The following STK39 variants were observed in gnomAD, a reference collection of about 807,000 sequenced individuals.
The protein encoded by STK39 is serine/threonine kinase 39.
A neutral mutation model predicts 77.8 loss-of-function variants in STK39; 20 were observed. That is an observed-to-expected ratio of 0.26 (90% CI 0.18 to 0.37). The LOEUF (loss-of-function observed/expected upper bound fraction) is 0.37, where lower values mean the gene tolerates loss of function less well. STK39 is among the 10% of genes least tolerant of loss of function. The pLI, the probability that STK39 is intolerant of heterozygous loss-of-function variation, is 1.00. For synonymous variants in STK39, 246 were observed against 234.1 expected, an observed-to-expected ratio of 1.05 and a Z score of -0.47; for missense variants, 479 against 656.5, an observed-to-expected ratio of 0.73 and a Z score of 2.95.
intron 16 of STK39, 64 bp downstream of exon 16, chr2:168,012,570 C>T (rs1574390671): frequency 7.4e-7 from 1 of 1,357,616 alleles, no homozygotes. Context: ...AACACTTTTG[C>T]TTCCAAACAC....
chr2:168,188,853 TTA>T (rs766396583), intron 1 of STK39, among the ~76,000 whole-genome samples: 8 of 152,132 alleles, frequency 5.3e-5, no homozygotes, highest in Non-Finnish European at 1.2e-4. Context: ...ACGCATTAAT[TTA>T]TAAAACAGAC....
At chr2:168,166,535 T>A (rs957946484) in intron 3 of STK39, among the ~76,000 whole-genome samples, 2 of 152,202 alleles carry the variant, frequency 1.3e-5, no homozygotes, top group African/African-American at 2.4e-5. Flanking sequence ...TTTCTCCCCA[T>A]GTCAACTGAA....
chr2:168,008,177 T>C (rs1322879741), intron 16 of STK39, among the ~76,000 whole-genome samples: 1 of 152,162 alleles, frequency 6.6e-6, no homozygotes, highest in Non-Finnish European at 1.5e-5. Context: ...TACCTGGATC[T>C]CTGGCTGTTG....
intron 14 of STK39, among the ~76,000 whole-genome samples, chr2:168,022,249 C>T (rs1208357587): frequency 6.6e-6 from 1 of 152,024 alleles, no homozygotes; most frequent in East Asian, 1.9e-4. Context: ...TGCATAAATA[C>T]AAGTATAAAA....
rs187363231 is a variant in STK39 at position 168,102,725 on chromosome 2, T to C, written c.1089+26816A>G. Among the ~76,000 whole-genome samples the C allele has an allele frequency of 5.9e-3, 897 of 152,076 alleles. 12 individuals are homozygous for C. The highest frequency in any genetic ancestry group is 0.021 in the African/African-American group (874 of 41,478). On this transcript the variant is annotated intron_variant, in intron 10 of 17. Transcript: ENST00000355999. ...CGGGCAGATTATGAGGTAAGGAGAT[T>C]GAGACCTTCCTGGCTAACACGGTGA... is the stretch of plus-strand genomic sequence containing the variant.
intron 1 of STK39, among the ~76,000 whole-genome samples, chr2:168,202,788 G>A (rs1689643121): frequency 6.6e-6 from 1 of 152,086 alleles, no homozygotes; most frequent in African/African-American, 2.4e-5. Flanking sequence ...TAAAGAGGCT[G>A]TAAAACAATA....
chr2:168,221,296 G>C (rs1690162100), intron 1 of STK39, among the ~76,000 whole-genome samples: 1 of 152,108 alleles, frequency 6.6e-6, no homozygotes, highest in Non-Finnish European at 1.5e-5. Flanking sequence ...GATTGTCTCA[G>C]AGTCCAGAGT....
chr2:168,041,575 G>A (rs1685108855), intron 14 of STK39, among the ~76,000 whole-genome samples: 1 of 152,154 alleles, frequency 6.6e-6, no homozygotes, highest in Non-Finnish European at 1.5e-5. Context: ...ATTTTCCAAT[G>A]AGAATGGTAA....
At chr2:168,014,297 C>T (rs894823551) in intron 15 of STK39, among the ~76,000 whole-genome samples, 2 of 151,894 alleles carry the variant, frequency 1.3e-5, no homozygotes, top group African/African-American at 4.8e-5. Context: ...CCAGTCTGGG[C>T]AACATAGGGA....
At chr2:168,116,523 G>T (rs957487713) in intron 10 of STK39, among the ~76,000 whole-genome samples, 2 of 152,058 alleles carry the variant, frequency 1.3e-5, no homozygotes, top group African/African-American at 2.4e-5. Context: ...AGGTATTTCT[G>T]GCCTTTTAAA....
intron 10 of STK39, among the ~76,000 whole-genome samples, chr2:168,123,132 C>T (rs1687451094): frequency 1.3e-5 from 2 of 152,180 alleles, no homozygotes; most frequent in African/African-American, 2.4e-5. Flanking sequence ...TCAGAAATAT[C>T]ACACAGACCT....
intron 1 of STK39, among the ~76,000 whole-genome samples, chr2:168,228,109 C>T (rs759104505): frequency 3.3e-5 from 5 of 152,190 alleles, no homozygotes; most frequent in East Asian, 1.9e-4. Flanking sequence ...AGATGTATTC[C>T]GTGATTCTGA....
At chr2:168,170,062 G>A (rs1190934639) in intron 2 of STK39, among the ~76,000 whole-genome samples, 2 of 152,162 alleles carry the variant, frequency 1.3e-5, no homozygotes, top group South Asian at 2.1e-4. Context: ...AACATCTGTA[G>A]CTCTGTCTTG....
rs1362663630 is a variant in STK39, at chr2:168,239,749, G to C, written c.208+7479C>G. 7.9e-5 allele frequency among the ~76,000 whole-genome samples: 12 copies of C among 152,176 alleles called. 1 individual carries two copies. The highest frequency in any genetic ancestry group is 7.9e-4 in the Admixed American group (12 of 15,272). On this transcript the variant is annotated intron_variant, in intron 1 of 17. Transcript: ENST00000355999. ...GCAGGGTAGGGAGATGAGAGACCCT[G>C]TCCTCAAGGAAGACTTAACAGTCTA...
At chr2:168,120,190 AT>A (rs1687368581) in intron 10 of STK39, among the ~76,000 whole-genome samples, 1 of 152,202 alleles carries the variant, frequency 6.6e-6, no homozygotes, top group African/African-American at 2.4e-5. Context: ...GGCCTAACCT[AT>A]TTAACATATC....
In STK39 at chr2:168,094,824, A is replaced by G. The variant is rs528387842; in HGVS notation, c.1090-19593T>C. Among the ~76,000 whole-genome samples the G allele has an allele frequency of 1.7e-3, 258 of 152,268 alleles. 1 individual carries two copies. The highest frequency in any genetic ancestry group is 6.1e-3 in the African/African-American group (252 of 41,552). Reference sequence around the variant, plus strand: ...ACCTTCAAACGGAAATCCCAATGGAACTTCCAACTCAAATGCGTCCTAATG... The same window carrying G: ...ACCTTCAAACGGAAATCCCAATGGAGCTTCCAACTCAAATGCGTCCTAATG... On this transcript the variant is annotated intron_variant, in intron 10 of 17. Coordinates refer to ENST00000355999, the MANE Select transcript of STK39 (RefSeq NM_013233.3).
chr2:168,139,180 T>A (rs1687912844), intron 7 of STK39, among the ~76,000 whole-genome samples: 1 of 152,040 alleles, frequency 6.6e-6, no homozygotes. Context: ...GACAAGCAAG[T>A]GCGACTTTGA....
chr2:168,139,113 A>G (rs1186433394), intron 7 of STK39, among the ~76,000 whole-genome samples: 2 of 152,220 alleles, frequency 1.3e-5, no homozygotes, highest in African/African-American at 4.8e-5. Context: ...AATAGCCCAC[A>G]GGAGAAAGCG....
At chr2:168,021,331 T>C (rs1395281438) in intron 14 of STK39, among the ~76,000 whole-genome samples, 5 of 152,198 alleles carry the variant, frequency 3.3e-5, no homozygotes, top group Non-Finnish European at 7.3e-5. Flanking sequence ...ATTCTTTTTA[T>C]GACTCTGAAC....
Sources: allele counts gnomAD v4.1 joint callset (sites outside exome capture counted in the v4.1 genomes callset), GRCh38; gene constraint gnomAD v4.1.1; transcripts MANE v1.5; gene names NCBI Gene and HGNC (gene_info 2026-07-23, HGNC 2026-07-21).